Variants in LTBP1 observed in about 807,000 individuals in gnomAD.
LTBP1 encodes the protein latent transforming growth factor beta binding protein 1.
A neutral mutation model predicts 207.6 loss-of-function variants in LTBP1; 129 were observed. The observed-to-expected ratio is 0.62, with a 90% CI of 0.54 to 0.72. The LOEUF (loss-of-function observed/expected upper bound fraction) is 0.72. LTBP1 is among the 30% of genes least tolerant of loss of function. The pLI is 0.00. For synonymous variants in LTBP1, 963 were observed against 833.7 expected (o/e 1.16, Z -2.67); for missense variants, 2,281 against 2,217.2 (o/e 1.03, Z -0.58).
intron 24 of LTBP1, chr2:33,333,033 A>G (rs1362633366): frequency 6.6e-6 from 1 of 152,276 alleles, no homozygotes; most frequent in Non-Finnish European, 1.5e-5. Flanking sequence ...AGAATTTGCA[A>G]CTTCCCACAG....
At chr2:33,053,522 C>T (rs777251915) in intron 3 of LTBP1, among the ~76,000 whole-genome samples, 40 of 152,142 alleles carry the variant, frequency 2.6e-4, no homozygotes, top group African/African-American at 8.7e-4. Context: ...GGTGCTTCCT[C>T]GGCCTCGGCG....
chr2:33,262,810 C>G lies in LTBP1; in HGVS notation c.2507C>G (p.Pro836Arg). Residue 836 changes from proline (P) to arginine (R), a missense_variant, in exon 14 of 34, where the codon CCA (proline) becomes CGA (arginine). Physicochemically the swap from Pro to Arg is moderately radical, Grantham distance 103. Coordinates refer to ENST00000404816, the MANE Select transcript of LTBP1 (RefSeq NM_206943.4). ...SPGISTIHLH[P>R]QFPVVIEKTS... Reference sequence around the variant, plus strand: ...GGCATTTCCACTATTCATCTGCATCCACAGTTTCCAGGTAGCCTGTGTTGA... The same window carrying G: ...GGCATTTCCACTATTCATCTGCATCGACAGTTTCCAGGTAGCCTGTGTTGA... 1 of 1,606,362 alleles carries G rather than the reference C, an allele frequency of 6.2e-7. No individual in the cohort carries two copies. Among genetic ancestry groups the G allele is most frequent in the Non-Finnish European group, 8.5e-7 (1 of 1,175,100 alleles).
chr2:33,153,237 A>G (rs1419718596), intron 5 of LTBP1, among the ~76,000 whole-genome samples: 2 of 152,236 alleles, frequency 1.3e-5, no homozygotes, highest in African/African-American at 4.8e-5. Flanking sequence ...GTGATGTGTC[A>G]TCAGCTTGAC....
chr2:33,196,734 G>C (rs1456378308), intron 7 of LTBP1, among the ~76,000 whole-genome samples: 1 of 152,220 alleles, frequency 6.6e-6, no homozygotes, highest in African/African-American at 2.4e-5. Flanking sequence ...ATTGTGAGAA[G>C]ATGAGCAATG....
At chr2:33,260,082 A>G (rs1000208912) in intron 13 of LTBP1, among the ~76,000 whole-genome samples, 26 of 152,200 alleles carry the variant, frequency 1.7e-4, no homozygotes, top group Non-Finnish European at 3.2e-4. Context: ...ACTTACACTT[A>G]AAAGTTACAA....
intron 20 of LTBP1, among the ~76,000 whole-genome samples, chr2:33,296,420 G>A (rs1353067764): frequency 6.6e-6 from 1 of 151,988 alleles, no homozygotes; most frequent in Non-Finnish European, 1.5e-5. Flanking sequence ...AGATTATCCT[G>A]CCTTTCATAT....
At chr2:33,307,707 G>T (rs1485204495) in intron 22 of LTBP1, among the ~76,000 whole-genome samples, 1 of 152,194 alleles carries the variant, frequency 6.6e-6, no homozygotes, top group Non-Finnish European at 1.5e-5. Context: ...ACACATTAAA[G>T]AAAAAGTTGA....
At chr2:33,277,194 A>G (rs745389870) in intron 18 of LTBP1, among the ~76,000 whole-genome samples, 3 of 152,120 alleles carry the variant, frequency 2.0e-5, no homozygotes, top group Non-Finnish European at 2.9e-5. Flanking sequence ...GGCAGCCTAC[A>G]CTTGCCCCTC....
intron 2 of LTBP1, among the ~76,000 whole-genome samples, chr2:32,984,862 C>T (rs573572289): frequency 2.6e-5 from 4 of 152,118 alleles, no homozygotes; most frequent in African/African-American, 7.2e-5. Flanking sequence ...ACCCAGGAGG[C>T]GGAGGTCGCA....
intron 24 of LTBP1, among the ~76,000 whole-genome samples, chr2:33,341,729 A>AAAATATATATATATATATATAT (rs745445793): frequency 6.4e-5 from 6 of 93,618 alleles, no homozygotes; most frequent in Admixed American, 3.8e-4. Flanking sequence ...AAAAAAAAAA[A>AAAATATATATATATATATATAT]ATATATATAT....
At chr2:33,101,797 C>A (rs538020888) in intron 3 of LTBP1, among the ~76,000 whole-genome samples, 1 of 152,050 alleles carries the variant, frequency 6.6e-6, no homozygotes. Flanking sequence ...TGTAGTAGCT[C>A]GTTTTTTGAG....
chr2:33,398,288 C>T, intron 33 of LTBP1, 76 bp from the exon 34 acceptor site: 1 of 1,382,328 alleles, frequency 7.2e-7, no homozygotes, highest in Admixed American at 1.9e-5. Context: ...GGAAGGGCCT[C>T]AGGTAAGCCT....
In LTBP1 at chr2:33,011,697, C is replaced by T. The variant is rs546771810; in HGVS notation, c.566-9212C>T. On this transcript the variant is annotated intron_variant, in intron 2 of 33. Transcript: ENST00000404816. ...GTTATGGCAGCCTGGCAAGCTAGTACAGTGGGCATTAGTGTTTTGTTCCTG... is the reference window on the plus strand; with the variant it reads ...GTTATGGCAGCCTGGCAAGCTAGTATAGTGGGCATTAGTGTTTTGTTCCTG... Among the ~76,000 whole-genome samples, 3 of 152,126 alleles carry T rather than the reference C, an allele frequency of 2.0e-5. No homozygotes were observed. In the South Asian group the frequency reaches 6.2e-4, roughly 32 times the overall value.
chr2:33,300,972 T>C (rs2148994603), intron 21 of LTBP1, among the ~76,000 whole-genome samples: 1 of 152,324 alleles, frequency 6.6e-6, no homozygotes, highest in East Asian at 1.9e-4. Flanking sequence ...TTTTTGTATT[T>C]AACGTTGAAA....
At chr2:33,395,840 G>T (rs2095353433) in intron 32 of LTBP1, among the ~76,000 whole-genome samples, 1 of 151,620 alleles carries the variant, frequency 6.6e-6, no homozygotes, top group African/African-American at 2.4e-5. Flanking sequence ...ATATTTTGCT[G>T]CCTGCTGCCC....
rs1037482263 is a variant in LTBP1, at chr2:33,334,951, C to T, written c.3731-7887C>T. ...AAAAAATGCCAGGCATGGCAGCATACACCTGTGGTCCCAGCTATTTGAGAG... is the reference window on the plus strand; with the variant it reads ...AAAAAATGCCAGGCATGGCAGCATATACCTGTGGTCCCAGCTATTTGAGAG... On this transcript the variant is annotated intron_variant, in intron 24 of 33. Transcript: ENST00000404816. Among the ~76,000 whole-genome samples the T allele has an allele frequency of 6.0e-5, 9 of 149,614 alleles. 1 individual carries two copies. The East Asian group carries it at 1.2e-3, about 20-fold the overall frequency.
chr2:33,191,886 G>A (rs1326655441), intron 7 of LTBP1, among the ~76,000 whole-genome samples: 1 of 152,192 alleles, frequency 6.6e-6, no homozygotes, highest in Non-Finnish European at 1.5e-5. Context: ...AAATTTGGCA[G>A]AGATAGCCCT....
chr2:33,251,486 C>A (rs1361093803), intron 10 of LTBP1, among the ~76,000 whole-genome samples: 4 of 152,040 alleles, frequency 2.6e-5, no homozygotes, highest in Non-Finnish European at 4.4e-5. Context: ...CGGTGAAACC[C>A]TGTCTCTACT....
intron 22 of LTBP1, 47 bp downstream of exon 22, chr2:33,301,691 G>A (rs748252015): frequency 6.7e-7 from 1 of 1,484,096 alleles, no homozygotes; most frequent in Non-Finnish European, 9.0e-7. Flanking sequence ...CCAGATCGGA[G>A]GGAAATCTGG....
Sources: gnomAD v4.1 joint callset for allele counts (sites outside exome capture counted in the v4.1 genomes callset) on GRCh38, gnomAD v4.1.1 for gene constraint, MANE v1.5 for transcripts, NCBI Gene and HGNC (gene_info 2026-07-23, HGNC 2026-07-21) for gene names.